Variants in NOS1AP observed in about 807,000 individuals in gnomAD.
NOS1AP encodes carboxyl-terminal PDZ ligand of neuronal nitric oxide synthase protein.
In NOS1AP, 21 loss-of-function variants were observed where a neutral mutation model predicts 56.2. The observed-to-expected ratio is 0.37, with a 90% CI of 0.26 to 0.54. The LOEUF (loss-of-function observed/expected upper bound fraction) is 0.54. Among genes scored for constraint, NOS1AP ranks in the 20% least tolerant of loss-of-function variants. The pLI, the probability that NOS1AP is intolerant of heterozygous loss-of-function variation, is 0.84. For synonymous variants in NOS1AP, 270 were observed against 274.6 expected (o/e 0.98, Z 0.17); for missense variants, 522 against 657.8 (o/e 0.79, Z 2.26).
At chr1:162,124,996 G>A (rs1648420702) in intron 1 of NOS1AP, among the ~76,000 whole-genome samples, 1 of 152,146 alleles carries the variant, frequency 6.6e-6, no homozygotes, top group Non-Finnish European at 1.5e-5. Flanking sequence ...GGATTGAGTG[G>A]TAGATCTACT....
chr1:162,326,906 A>G (rs749944621), intron 4 of NOS1AP, among the ~76,000 whole-genome samples: 4 of 152,272 alleles, frequency 2.6e-5, no homozygotes, highest in Non-Finnish European at 4.4e-5. Context: ...CTTGAAGACA[A>G]CATAATTGAT....
At chr1:162,118,869 T>C (rs1304627032) in intron 1 of NOS1AP, among the ~76,000 whole-genome samples, 1 of 152,166 alleles carries the variant, frequency 6.6e-6, no homozygotes, top group East Asian at 1.9e-4. Context: ...TTGGACTCCA[T>C]GAAAACCTCA....
At chr1:162,257,929 G>A (rs16859127) in intron 2 of NOS1AP, among the ~76,000 whole-genome samples, 2,913 of 151,782 alleles carry the variant, frequency 0.019, 90 homozygotes, top group African/African-American at 0.066. Context: ...GACATTTCCC[G>A]CTTTGAGCAA....
chr1:162,344,411 G>A (rs1485251959), intron 6 of NOS1AP, among the ~76,000 whole-genome samples: 1 of 152,086 alleles, frequency 6.6e-6, no homozygotes, highest in Non-Finnish European at 1.5e-5. Flanking sequence ...AGTCAGGAAG[G>A]AGGCCGGGCG....
intron 2 of NOS1AP, among the ~76,000 whole-genome samples, chr1:162,249,810 G>GATCT (rs762230353): frequency 2.6e-5 from 4 of 152,220 alleles, no homozygotes; most frequent in South Asian, 2.1e-4. Context: ...ATTCAACCAT[G>GATCT]ATCTACTCTG....
chr1:162,176,140 C>A (rs1271827174), intron 2 of NOS1AP, among the ~76,000 whole-genome samples: 4 of 152,164 alleles, frequency 2.6e-5, no homozygotes, highest in Non-Finnish European at 5.9e-5. Flanking sequence ...TACATTCCAT[C>A]CTGGGATCCT....
At chr1:162,222,543 T>C (rs1652815270) in intron 2 of NOS1AP, among the ~76,000 whole-genome samples, 1 of 152,212 alleles carries the variant, frequency 6.6e-6, no homozygotes, top group African/African-American at 2.4e-5. Context: ...GCAGAGTTTT[T>C]TTTGTTTTGC....
intron 4 of NOS1AP, among the ~76,000 whole-genome samples, chr1:162,310,918 C>T (rs1242907196): frequency 2.0e-5 from 3 of 152,046 alleles, no homozygotes; most frequent in South Asian, 2.1e-4. Flanking sequence ...GACCCATCTT[C>T]GCTTGTTTCT....
intron 1 of NOS1AP, among the ~76,000 whole-genome samples, chr1:162,115,701 T>C (rs530428948): frequency 2.6e-5 from 4 of 152,044 alleles, no homozygotes; most frequent in African/African-American, 9.6e-5. Context: ...GAGTGGGAGG[T>C]TGAGGGCAAG....
intron 8 of NOS1AP, 153 bp from the exon 9 acceptor site, chr1:162,365,251 G>A: frequency 6.7e-7 from 1 of 1,493,526 alleles, no homozygotes. Flanking sequence ...GGAATGATAA[G>A]CCCAGATGCC....
At chr1:162,236,332 C>T (rs941703851) in intron 2 of NOS1AP, among the ~76,000 whole-genome samples, 1 of 152,146 alleles carries the variant, frequency 6.6e-6, no homozygotes, top group Non-Finnish European at 1.5e-5. Context: ...TATATTGAGC[C>T]CCTATGAACC....
rs1009365460 is a variant in NOS1AP, at chr1:162,355,967, A to C, written c.762+614A>C. 3.3e-5 allele frequency among the ~76,000 whole-genome samples: 5 copies of C among 152,214 alleles called. No individual in the cohort carries two copies. The South Asian group carries it at 1.0e-3, about 32-fold the overall frequency. On this transcript the variant is annotated intron_variant, in intron 7 of 9. Transcript: ENST00000361897. Reference sequence around the variant, plus strand: ...CAAATTCCAACCTGAAGCCAAAGCTAATTAAAAATGTTTTAAACCCAGAAG... The same window carrying C: ...CAAATTCCAACCTGAAGCCAAAGCTCATTAAAAATGTTTTAAACCCAGAAG...
chr1:162,197,913 C>T (rs953735973), intron 2 of NOS1AP, among the ~76,000 whole-genome samples: 5 of 152,224 alleles, frequency 3.3e-5, no homozygotes, highest in Non-Finnish European at 7.3e-5. Context: ...GTTCAGGGCT[C>T]TGTGGGAGAG....
At chr1:162,318,690 G>A (rs887634361) in intron 4 of NOS1AP, among the ~76,000 whole-genome samples, 1 of 151,634 alleles carries the variant, frequency 6.6e-6, no homozygotes, top group African/African-American at 2.4e-5. Flanking sequence ...ATTTCCTATG[G>A]CTTCAACCAC....
At chr1:162,167,306 C>T (rs1449953391) in intron 2 of NOS1AP, among the ~76,000 whole-genome samples, 1 of 152,252 alleles carries the variant, frequency 6.6e-6, no homozygotes, top group Non-Finnish European at 1.5e-5. Context: ...TTAATCCTCT[C>T]ATCACCTGAG....
chr1:162,221,088 T>C (rs1349376515), intron 2 of NOS1AP, among the ~76,000 whole-genome samples: 4 of 152,178 alleles, frequency 2.6e-5, no homozygotes, highest in African/African-American at 9.6e-5. Flanking sequence ...ACTGCAGGCA[T>C]GGACCACCAT....
At chr1:162,115,026 C>T (rs1647885286) in intron 1 of NOS1AP, among the ~76,000 whole-genome samples, 1 of 152,172 alleles carries the variant, frequency 6.6e-6, no homozygotes, top group African/African-American at 2.4e-5. Context: ...TGTTATAGCT[C>T]CTCATGGAAG....
At chr1:162,364,077 C>T in intron 8 of NOS1AP, 1 of 985,428 alleles carries the variant, frequency 1.0e-6, no homozygotes, top group Non-Finnish European at 1.2e-6. Context: ...GGGTGGCCAA[C>T]TGTGAGGTAG....
chr1:162,096,393 C>T (rs1256220151), intron 1 of NOS1AP, among the ~76,000 whole-genome samples: 1 of 152,114 alleles, frequency 6.6e-6, no homozygotes, highest in East Asian at 1.9e-4. Flanking sequence ...ACCATCAGGC[C>T]TCTTGACATG....
Sources: gnomAD v4.1 joint callset for allele counts (sites outside exome capture counted in the v4.1 genomes callset) on GRCh38, gnomAD v4.1.1 for gene constraint, MANE v1.5 for transcripts, NCBI Gene and HGNC (gene_info 2026-07-23, HGNC 2026-07-21) for gene names.